SYNPR: variants seen among roughly 807,000 people sequenced by gnomAD.
SYNPR encodes the protein synaptoporin.
SYNPR carries 23 observed loss-of-function variants against 32.9 expected under a neutral mutation model. That is an observed-to-expected ratio of 0.70 (90% CI 0.50 to 0.99). The LOEUF (loss-of-function observed/expected upper bound fraction) is 0.99, where lower values mean the gene tolerates loss of function less well. SYNPR is among the 50% of genes least tolerant of loss of function. The pLI is 0.00. For synonymous variants in SYNPR, 146 were observed against 135.9 expected (o/e 1.07, Z -0.52); for missense variants, 318 against 349.3 (o/e 0.91, Z 0.71).
chr3:63,600,137 A>G (rs1430689830), intron 4 of SYNPR, among the ~76,000 whole-genome samples: 2 of 152,228 alleles, frequency 1.3e-5, no homozygotes, highest in African/African-American at 4.8e-5. Flanking sequence ...TAGTTTCCTC[A>G]TAAGTAAAAT....
chr3:63,431,969 G>A (rs1700004798), intron 2 of SYNPR, among the ~76,000 whole-genome samples: 1 of 151,994 alleles, frequency 6.6e-6, no homozygotes. Context: ...TCTGTCTGTA[G>A]GCCAGTTCTC....
intron 1 of SYNPR, among the ~76,000 whole-genome samples, chr3:63,247,322 T>A (rs2086299972): frequency 6.6e-6 from 1 of 151,966 alleles, no homozygotes; most frequent in South Asian, 2.1e-4. Context: ...AACCTTAGGT[T>A]TTGCAAATTA....
chr3:63,448,658 G>A (rs1370466661), intron 2 of SYNPR, among the ~76,000 whole-genome samples: 2 of 152,076 alleles, frequency 1.3e-5, no homozygotes, highest in African/African-American at 2.4e-5. Context: ...TCTGGAATGT[G>A]GATGTCACTT....
chr3:63,567,550 T>A (rs1223885260), intron 4 of SYNPR, among the ~76,000 whole-genome samples: 1 of 152,158 alleles, frequency 6.6e-6, no homozygotes, highest in East Asian at 1.9e-4. Flanking sequence ...TTCATTGGGG[T>A]CTCAGCAGCT....
At chr3:63,229,890 T>C (rs1205990909) in intron 1 of SYNPR, among the ~76,000 whole-genome samples, 6 of 152,170 alleles carry the variant, frequency 3.9e-5, no homozygotes. Context: ...ATGAAATCAC[T>C]AGTTTTAAAG....
At chr3:63,317,568 G>A (rs1372382578) in intron 2 of SYNPR, among the ~76,000 whole-genome samples, 1 of 151,880 alleles carries the variant, frequency 6.6e-6, no homozygotes, top group East Asian at 1.9e-4. Flanking sequence ...CTCACTTTTG[G>A]TGTCCATTTG....
intron 2 of SYNPR, among the ~76,000 whole-genome samples, chr3:63,420,526 C>G (rs1699770092): frequency 6.6e-6 from 1 of 152,034 alleles, no homozygotes; most frequent in Admixed American, 6.6e-5. Flanking sequence ...GTATTCCTAC[C>G]TTCCCTTATG....
Position 63,395,399 on chromosome 3 carries a change from T to C in SYNPR, c.85-85433T>C, listed in dbSNP as rs1281250395. 2.2e-4 allele frequency among the ~76,000 whole-genome samples: 33 copies of C among 152,210 alleles called. 1 individual carries two copies. Among genetic ancestry groups the C allele is most frequent in the Admixed American group, 2.1e-3 (32 of 15,284 alleles). ...TTTTCAGTGTGGCTGGCAAAATACG[T>C]GTAGTAATAATAACAGTAACAAAAA... On this transcript the variant is annotated intron_variant, in intron 2 of 5. Transcript: ENST00000478300.
intron 2 of SYNPR, chr3:63,451,980 A>G (rs1367739160): frequency 4.5e-6 from 3 of 660,660 alleles, no homozygotes; most frequent in Non-Finnish European, 8.2e-6. Context: ...TCAACTTCTG[A>G]GGCATTTGGA....
At chr3:63,397,568 C>G (rs1456304847) in intron 2 of SYNPR, among the ~76,000 whole-genome samples, 1 of 152,176 alleles carries the variant, frequency 6.6e-6, no homozygotes, top group African/African-American at 2.4e-5. Flanking sequence ...TATAAAACCA[C>G]TACATTCAGC....
intron 2 of SYNPR, among the ~76,000 whole-genome samples, chr3:63,427,164 T>C (rs17031738): frequency 0.13 from 19,512 of 149,440 alleles, 1,372 homozygotes; most frequent in Middle Eastern, 0.17. Flanking sequence ...AAAAAAAGTA[T>C]TACAAAGCCC....
At chr3:63,384,362 C>G (rs1394389601) in intron 2 of SYNPR, among the ~76,000 whole-genome samples, 1 of 152,062 alleles carries the variant, frequency 6.6e-6, no homozygotes, top group Non-Finnish European at 1.5e-5. Flanking sequence ...CATTTTTTAC[C>G]TCTACACAGA....
At chr3:63,381,905 T>G (rs2087975819) in intron 2 of SYNPR, among the ~76,000 whole-genome samples, 1 of 152,206 alleles carries the variant, frequency 6.6e-6, no homozygotes, top group African/African-American at 2.4e-5. Flanking sequence ...TTTTAGGGGT[T>G]CCTTCAGGCA....
intron 3 of SYNPR, 135 bp downstream of exon 3, chr3:63,481,091 C>T (rs1422872204): frequency 8.1e-7 from 1 of 1,230,568 alleles, no homozygotes; most frequent in Non-Finnish European, 1.1e-6. Context: ...CCACGGAATG[C>T]CCAAACACAG....
At chr3:63,540,930 A>AACACACACACAC (rs58295090) in intron 3 of SYNPR, among the ~76,000 whole-genome samples, 68 of 122,822 alleles carry the variant, frequency 5.5e-4, no homozygotes, top group East Asian at 2.0e-3. Flanking sequence ...TCCCCCCCCC[A>AACACACACACAC]ACACACACAC....
At chr3:63,507,703 A>G (rs76793269) in intron 3 of SYNPR, among the ~76,000 whole-genome samples, 2,767 of 152,322 alleles carry the variant, frequency 0.018, 87 homozygotes, top group African/African-American at 0.063. Context: ...ATATTGTGGG[A>G]CATTTAATCA....
chr3:63,578,788 G>A (rs1234578906), intron 4 of SYNPR, among the ~76,000 whole-genome samples: 1 of 152,130 alleles, frequency 6.6e-6, no homozygotes, highest in Non-Finnish European at 1.5e-5. Flanking sequence ...CCAAGAGCCT[G>A]ACTTGCCTGC....
chr3:63,535,022 A>G (rs1176601542), intron 3 of SYNPR, among the ~76,000 whole-genome samples: 2 of 152,132 alleles, frequency 1.3e-5, no homozygotes, highest in Non-Finnish European at 1.5e-5. Context: ...TCAGAACCCA[A>G]TGAGAGTAGT....
intron 2 of SYNPR, among the ~76,000 whole-genome samples, chr3:63,294,917 T>G (rs1454693781): frequency 2.6e-5 from 4 of 152,306 alleles, no homozygotes; most frequent in Admixed American, 2.6e-4. Flanking sequence ...ATTTATACCA[T>G]GCCTACTTTG....
Sources: gnomAD v4.1 joint callset for allele counts (sites outside exome capture counted in the v4.1 genomes callset) on GRCh38, gnomAD v4.1.1 for gene constraint, MANE v1.5 for transcripts, NCBI Gene and HGNC (gene_info 2026-07-23, HGNC 2026-07-21) for gene names.